The following FAM219A variants were observed in gnomAD, a reference collection of about 807,000 sequenced individuals.
FAM219A encodes family with sequence similarity 219 member A.
Under a neutral mutation model 23.4 loss-of-function variants are expected in FAM219A, and 7 were observed. The observed-to-expected ratio is 0.30, with a 90% CI of 0.17 to 0.56. The LOEUF is 0.56. Ranked by LOEUF, FAM219A falls within the 20% of genes least tolerant of loss-of-function variation. The probability of loss-of-function intolerance (pLI) is 0.92; values close to 1 mark genes in which losing one functional copy is unlikely to be tolerated. For synonymous variants in FAM219A, 93 were observed against 99.0 expected, an observed-to-expected ratio of 0.94 and a Z score of 0.36; for missense variants, 166 against 246.9, an observed-to-expected ratio of 0.67 and a Z score of 2.20.
At chr9:34,435,102 T>C (rs1822854438) in intron 1 of FAM219A, among the ~76,000 whole-genome samples, 1 of 152,208 alleles carries the variant, frequency 6.6e-6, no homozygotes, top group South Asian at 2.1e-4. Flanking sequence ...ATTACAGGCC[T>C]GAGCCACTGT....
chr9:34,448,325 A>G (rs1685932181), intron 1 of FAM219A, among the ~76,000 whole-genome samples: 2 of 152,226 alleles, frequency 1.3e-5, no homozygotes, highest in South Asian at 2.1e-4. Flanking sequence ...GGCAACCAGA[A>G]TACTAGAACT....
Position 34,458,334 on chromosome 9 carries a change from G to A in FAM219A, c.-71C>T. ...GCCGACAGGACCGCGCGGGGCGGCG[G>A]CCCCAGGAGCCCGGCGGGTGGTGCA... is the stretch of plus-strand genomic sequence containing the variant. On this transcript the variant is annotated 5_prime_UTR_variant, in exon 1 of 6. Coordinates refer to ENST00000651358, the MANE Select transcript of FAM219A (RefSeq NM_001184940.2). This position sits in a 1 kb window ranked among gnomAD's most constrained non-coding sequence, Gnocchi z 6.6. The A allele has an allele frequency of 8.8e-7, 1 of 1,137,106 alleles. No homozygotes were observed. Among genetic ancestry groups the A allele is most frequent in the Middle Eastern group, 3.5e-4 (1 of 2,886 alleles). The allele number at this position is 1,137,106 out of a possible 1,614,324, so 70.4% of individuals were successfully genotyped here. A position where few individuals can be genotyped will look rare whatever the true frequency, so the allele number is the denominator to read the frequency against.
At chr9:34,421,478 GC>G (rs944780679) in intron 1 of FAM219A, among the ~76,000 whole-genome samples, 3 of 152,032 alleles carry the variant, frequency 2.0e-5, no homozygotes, top group African/African-American at 7.3e-5. Context: ...GAGAGCCTTT[GC>G]CTGCCCACCT....
intron 1 of FAM219A, among the ~76,000 whole-genome samples, chr9:34,445,164 A>C (rs1823324138): frequency 6.6e-6 from 1 of 151,438 alleles, no homozygotes; most frequent in African/African-American, 2.4e-5. Context: ...TAACCTCCCA[A>C]CCTCCTCTCC....
intron 1 of FAM219A, among the ~76,000 whole-genome samples, chr9:34,440,228 A>C (rs909816305): frequency 6.6e-6 from 1 of 152,202 alleles, no homozygotes; most frequent in African/African-American, 2.4e-5. Context: ...TTCCTGCTCC[A>C]TCAGATGCTC....
Position 34,417,059 on chromosome 9 carries a change from C to T in FAM219A, c.61-11095G>A, listed in dbSNP as rs964404827. On this transcript the variant is annotated intron_variant, in intron 1 of 5. Coordinates refer to ENST00000651358, the MANE Select transcript of FAM219A (RefSeq NM_001184940.2). The surrounding 1 kb of genome is among the most constrained non-coding windows in gnomAD (Gnocchi z 4.1). The stretch of plus-strand genomic sequence containing the variant: ...CCTCCTTCTTCCCCTTCCCTTTCCC[C>T]TTCCCCTTCTCCTTCTTCTTCTTTT... 1.3e-5 allele frequency among the ~76,000 whole-genome samples: 2 copies of T among 149,026 alleles called. No homozygotes were observed. Among genetic ancestry groups the T allele is most frequent in the African/African-American group, 2.4e-5 (1 of 41,078 alleles).
intron 1 of FAM219A, among the ~76,000 whole-genome samples, chr9:34,449,704 A>G (rs1248023102): frequency 6.6e-6 from 1 of 152,258 alleles, no homozygotes; most frequent in African/African-American, 2.4e-5. Context: ...TGGTTCTGTA[A>G]GATGTTAACA....
chr9:34,406,170 G>A (rs1407815350), intron 1 of FAM219A, among the ~76,000 whole-genome samples: 1 of 152,180 alleles, frequency 6.6e-6, no homozygotes, highest in Non-Finnish European at 1.5e-5. Flanking sequence ...CCAAGGATCT[G>A]GGTTCCATGT....
chr9:34,445,378 T>C (rs1823330327), intron 1 of FAM219A, among the ~76,000 whole-genome samples: 3 of 152,212 alleles, frequency 2.0e-5, no homozygotes, highest in Non-Finnish European at 4.4e-5. Context: ...TATAAAATTA[T>C]GTGCTAGAGG....
intron 1 of FAM219A, among the ~76,000 whole-genome samples, chr9:34,456,661 C>T (rs1564022122): frequency 6.6e-6 from 1 of 152,154 alleles, no homozygotes. Context: ...GCCCAAAGTC[C>T]TTCTTTAAGT....
intron 1 of FAM219A, among the ~76,000 whole-genome samples, chr9:34,436,487 C>T (rs1564012471): frequency 6.6e-6 from 1 of 152,158 alleles, no homozygotes; most frequent in South Asian, 2.1e-4. Context: ...TTCAAGCAAT[C>T]CTCCCACCTC....
rs751416711 is a variant in FAM219A, at chr9:34,401,032, G to A, written c.490C>T (p.Pro164Ser). The A allele has an allele frequency of 1.2e-6, 2 of 1,606,730 alleles. No homozygotes were observed. The highest frequency in any genetic ancestry group is 1.3e-5 in the African/African-American group (1 of 74,624). Residue 164 changes from proline to serine, a missense_variant, in exon 6 of 6, where the codon CCC becomes TCC. Transcript: ENST00000651358. ...ATGCACGTGGGGTTCACGGACTTGG[G>A]GGGGATGAGGTCTAGGTCCTCGTCG... Reference protein sequence around the residue: ...PDDEDLDLIPPKSVNPTCMCC... With the variant: ...PDDEDLDLIPSKSVNPTCMCC...
chr9:34,449,786 T>G (rs1447767556), intron 1 of FAM219A, among the ~76,000 whole-genome samples: 1 of 152,234 alleles, frequency 6.6e-6, no homozygotes, highest in Non-Finnish European at 1.5e-5. Context: ...GTTGAAAAGG[T>G]TCCTTTACTG....
At chr9:34,455,243 T>A (rs1243514223) in intron 1 of FAM219A, among the ~76,000 whole-genome samples, 1 of 152,328 alleles carries the variant, frequency 6.6e-6, no homozygotes, top group East Asian at 1.9e-4. Flanking sequence ...TGAGGAGCTA[T>A]TGTTTAAACT....
intron 1 of FAM219A, among the ~76,000 whole-genome samples, chr9:34,423,532 G>A (rs1459903415): frequency 2.6e-5 from 4 of 152,204 alleles, no homozygotes; most frequent in African/African-American, 9.6e-5. Flanking sequence ...AGAATGACAG[G>A]AAGACTTAAA....
intron 1 of FAM219A, among the ~76,000 whole-genome samples, chr9:34,411,688 AAAAAAGAAAG>A: frequency 1.3e-5 from 2 of 148,186 alleles, no homozygotes; most frequent in African/African-American, 5.0e-5. Flanking sequence ...AAAAAAAAAA[AAAAAAGAAAG>A]AAAGAAAGAA....
At chr9:34,413,879 G>A (rs1010144652) in intron 1 of FAM219A, among the ~76,000 whole-genome samples, 1 of 152,212 alleles carries the variant, frequency 6.6e-6, no homozygotes, top group Non-Finnish European at 1.5e-5. Flanking sequence ...TCTCTGACAA[G>A]TGGGCACAGT....
At chr9:34,455,448 T>G (rs10972124) in intron 1 of FAM219A, among the ~76,000 whole-genome samples, 3,080 of 151,608 alleles carry the variant, frequency 0.02, 93 homozygotes, top group East Asian at 0.12. Context: ...CCTTTACCTC[T>G]ATGATATGCT....
At chr9:34,408,783 C>A (rs1821731592) in intron 1 of FAM219A, among the ~76,000 whole-genome samples, 1 of 152,176 alleles carries the variant, frequency 6.6e-6, no homozygotes, top group Admixed American at 6.5e-5. Context: ...CCTCCTTAAC[C>A]TTCTAACCCA....
Sources: gnomAD v4.1 joint callset for allele counts (sites outside exome capture counted in the v4.1 genomes callset) on GRCh38, gnomAD v4.1.1 for gene constraint, Gnocchi (gnomAD v3.1) non-coding constraint, MANE v1.5 for transcripts, NCBI Gene and HGNC (gene_info 2026-07-23, HGNC 2026-07-21) for gene names.